The following DNAJC3 variants were observed in gnomAD, a reference collection of about 807,000 sequenced individuals.
DNAJC3 encodes dnaJ homolog subfamily C member 3.
Under a neutral mutation model 68.6 loss-of-function variants are expected in DNAJC3, and 38 were observed. The observed-to-expected ratio is 0.55, with a 90% confidence interval of 0.43 to 0.73. The LOEUF is 0.73. DNAJC3 is among the 30% of genes least tolerant of loss of function. The pLI, the probability that DNAJC3 is intolerant of heterozygous loss-of-function variation, is 0.00. For missense variants in DNAJC3, 526 were observed against 591.9 expected (o/e 0.89, Z 1.16); for synonymous variants, 203 against 204.0 (o/e 1.00, Z 0.04).
intron 9 of DNAJC3, among the ~76,000 whole-genome samples, chr13:95,764,267 T>A (rs747213427): frequency 3.3e-5 from 5 of 151,834 alleles, no homozygotes; most frequent in Admixed American, 6.6e-5. Flanking sequence ...CCGGAAGTAA[T>A]CACTGTTCAT....
At chr13:95,683,029 G>A (rs573984469) in intron 1 of DNAJC3, among the ~76,000 whole-genome samples, 1 of 152,290 alleles carries the variant, frequency 6.6e-6, no homozygotes, top group African/African-American at 2.4e-5. Context: ...ACTTTGAGAA[G>A]CAGGCAAATT....
chr13:95,790,944 C>T lies in DNAJC3; in HGVS notation c.1429C>T (p.Pro477Ser), dbSNP rs202246204. 111 of 1,610,358 alleles carry T rather than the reference C, an allele frequency of 6.9e-5. No individual in the cohort carries two copies. The highest frequency in any genetic ancestry group is 9.1e-5 in the Non-Finnish European group (107 of 1,179,232). The change falls in exon 12 of 12, where the codon CCT becomes TCT. Residue 477 changes from proline to serine, a missense_variant. Pro to Ser is a moderately conservative substitution (Grantham distance 74). Coordinates refer to ENST00000602402, the MANE Select transcript of DNAJC3 (RefSeq NM_006260.5). Reference protein sequence around the residue: ...AESQQGGGGNPFHRSWNSWQG... With the variant: ...AESQQGGGGNSFHRSWNSWQG... ...GAGCCAGCAAGGAGGCGGCGGCAAC[C>T]CTTTCCACAGAAGCTGGAACTCATG...
rs962063004 is a variant in DNAJC3, at chr13:95,740,094, G to GC, written c.393+14843dup. On this transcript the variant is annotated intron_variant, in intron 4 of 11. Coordinates refer to ENST00000602402, the MANE Select transcript of DNAJC3 (RefSeq NM_006260.5). Reference sequence around the variant, plus strand: ...CCGTGTGAGGTGTCAGTGTGCCCCTGCTGGGGGGTGCCTCCCAGTTAGGCT... The same window carrying GC: ...CCGTGTGAGGTGTCAGTGTGCCCCTGCCTGGGGGGTGCCTCCCAGTTAGGCT... Among the ~76,000 whole-genome samples, 13 of 152,154 alleles carry GC rather than the reference G, an allele frequency of 8.5e-5. No homozygotes were observed. In the East Asian group the frequency reaches 2.5e-3, roughly 29 times the overall value.
At chr13:95,758,106 G>A (rs773892218) in intron 5 of DNAJC3, among the ~76,000 whole-genome samples, 8 of 152,154 alleles carry the variant, frequency 5.3e-5, no homozygotes, top group Non-Finnish European at 1.0e-4. Flanking sequence ...GATAAAAGAT[G>A]AAAAAGATGG....
chr13:95,724,313 G>A (rs970333806), intron 3 of DNAJC3, among the ~76,000 whole-genome samples: 2 of 151,810 alleles, frequency 1.3e-5, no homozygotes, highest in Non-Finnish European at 2.9e-5. Context: ...TAAAAGTAAT[G>A]TATATAGGGT....
rs9525048 is a variant in DNAJC3, at chr13:95,748,708, C to T, written c.394-8936C>T. ...GCACACGCCTGTAATCCCAGCTACT[C>T]AGGAAGCTGAGGCAGGAGAATTGCT... On this transcript the variant is annotated intron_variant, in intron 4 of 11. Coordinates refer to ENST00000602402, the MANE Select transcript of DNAJC3 (RefSeq NM_006260.5). Among the ~76,000 whole-genome samples the T allele has an allele frequency of 8.5e-3, 1,288 of 152,226 alleles. 9 individuals carry two copies. The highest frequency in any genetic ancestry group is 0.013 in the Non-Finnish European group (851 of 68,014).
At chr13:95,715,729 A>ACC (rs373246259) in intron 2 of DNAJC3, among the ~76,000 whole-genome samples, 3 of 147,740 alleles carry the variant, frequency 2.0e-5, no homozygotes, top group African/African-American at 7.5e-5. Flanking sequence ...CTGATGATCC[A>ACC]CCCCCCCTTG....
intron 9 of DNAJC3, among the ~76,000 whole-genome samples, chr13:95,778,092 A>G (rs921869758): frequency 1.3e-5 from 2 of 152,302 alleles, no homozygotes; most frequent in East Asian, 3.9e-4. Flanking sequence ...GAAGATGGCC[A>G]TGCTGCCCAG....
At chr13:95,749,875 CTG>C (rs1171276660) in intron 4 of DNAJC3, among the ~76,000 whole-genome samples, 1 of 152,172 alleles carries the variant, frequency 6.6e-6, no homozygotes, top group Non-Finnish European at 1.5e-5. Flanking sequence ...AGATGAAACT[CTG>C]TCTGTACTAA....
chr13:95,770,905 TTTATA>T (rs1400042949), intron 9 of DNAJC3, among the ~76,000 whole-genome samples: 3 of 152,218 alleles, frequency 2.0e-5, no homozygotes, highest in Non-Finnish European at 2.9e-5. Context: ...ATTTTCATTG[TTTATA>T]TTATGACAGT....
At chr13:95,734,483 C>T (rs1033632299) in intron 4 of DNAJC3, among the ~76,000 whole-genome samples, 1 of 152,182 alleles carries the variant, frequency 6.6e-6, no homozygotes, top group Non-Finnish European at 1.5e-5. Flanking sequence ...AGTTTGATTG[C>T]TATGTGCCAT....
intron 9 of DNAJC3, among the ~76,000 whole-genome samples, chr13:95,775,609 T>C (rs182671878): frequency 3.3e-5 from 5 of 152,354 alleles, no homozygotes; most frequent in Non-Finnish European, 5.9e-5. Flanking sequence ...TAAGTATGTG[T>C]TAGTATACTT....
chr13:95,735,998 A>G (rs1345149830), intron 4 of DNAJC3, among the ~76,000 whole-genome samples: 1 of 152,156 alleles, frequency 6.6e-6, no homozygotes, highest in African/African-American at 2.4e-5. Context: ...TGATTTTTGT[A>G]TAAGGTGTAA....
At chr13:95,764,719 CACATATATATATAT>C (rs1882938826) in intron 9 of DNAJC3, among the ~76,000 whole-genome samples, 1 of 98,820 alleles carries the variant, frequency 1.0e-5, no homozygotes, top group African/African-American at 4.1e-5. Flanking sequence ...TATATATATA[CACATATATATATAT>C]ACATATATAA....
chr13:95,790,326 G>A lies in DNAJC3; in HGVS notation c.1358-547G>A, dbSNP rs187700502. 9.2e-5 allele frequency among the ~76,000 whole-genome samples: 14 copies of A among 152,040 alleles called. No individual in the cohort carries two copies. In the East Asian group the frequency reaches 1.2e-3, roughly 13 times the overall value. On this transcript the variant is annotated intron_variant, in intron 11 of 11. Coordinates refer to ENST00000602402, the MANE Select transcript of DNAJC3 (RefSeq NM_006260.5). ...TCTCTGCATTGATCTCTCTCTGTTC[G>A]GGGCTCAGAGGCCCCGCTGTGGGGG...
chr13:95,773,009 C>T (rs969860221), intron 9 of DNAJC3, among the ~76,000 whole-genome samples: 2 of 151,142 alleles, frequency 1.3e-5, no homozygotes, highest in African/African-American at 4.9e-5. Flanking sequence ...TGTCCCTCCT[C>T]TATTTTCTGA....
intron 4 of DNAJC3, among the ~76,000 whole-genome samples, chr13:95,733,660 A>G (rs866673213): frequency 2.7e-4 from 41 of 149,712 alleles, no homozygotes; most frequent in African/African-American, 9.8e-4. Flanking sequence ...CTGGCCTCGC[A>G]AAGTGCTGGG....
chr13:95,680,027 C>T (rs1335304344), intron 1 of DNAJC3, among the ~76,000 whole-genome samples: 2 of 152,174 alleles, frequency 1.3e-5, no homozygotes, highest in Non-Finnish European at 2.9e-5. Flanking sequence ...TTGGCACCCT[C>T]CCTTCTCAAA....
chr13:95,691,159 C>T (rs925326066), intron 1 of DNAJC3, among the ~76,000 whole-genome samples: 1 of 149,562 alleles, frequency 6.7e-6, no homozygotes, highest in African/African-American at 2.5e-5. Context: ...CCCCCCACCT[C>T]CCTCCCGGAC....
Sources: allele counts gnomAD v4.1 joint callset (sites outside exome capture counted in the v4.1 genomes callset), GRCh38; gene constraint gnomAD v4.1.1; transcripts MANE v1.5; gene names NCBI Gene and HGNC (gene_info 2026-07-23, HGNC 2026-07-21).